The following CEP104 variants were observed in gnomAD, a reference collection of about 807,000 sequenced individuals.
CEP104 encodes centrosomal protein of 104 kDa.
In CEP104, 84 loss-of-function variants were observed where a neutral mutation model predicts 113.3. The ratio of observed to expected loss-of-function variants is 0.74; its 90% CI spans 0.62 to 0.89. CEP104 has a LOEUF of 0.89. Among genes scored for constraint, CEP104 ranks in the 40% least tolerant of loss-of-function variants. The probability of loss-of-function intolerance (pLI) is 0.00; values close to 1 mark genes in which losing one functional copy is unlikely to be tolerated. For missense variants in CEP104, 1,053 were observed against 1,156.6 expected, an observed-to-expected ratio of 0.91 and a Z score of 1.30; for synonymous variants, 378 against 421.7, an observed-to-expected ratio of 0.90 and a Z score of 1.27.
In CEP104 at chr1:3,834,925, G is replaced by A. The variant is rs371540690; in HGVS notation, c.1485C>T (p.Ser495=). 103 of 1,581,680 alleles carry A rather than the reference G, an allele frequency of 6.5e-5. 1 individual carries two copies. In the South Asian group the frequency reaches 7.6e-4, roughly 12 times the overall value. The stretch of plus-strand genomic sequence containing the variant: ...GCCAGCGCCAGCTGAGGGCACTCAC[G>A]GAGGTCACAATGTCCTTTATGGCTC... ...VRRAIKDIVT[S]VFQASLKLLK... Residue 495 remains serine, a splice_region_variant and synonymous_variant, in exon 11 of 22, where the codon TCC becomes TCT. Coordinates refer to ENST00000378230, the MANE Select transcript of CEP104 (RefSeq NM_014704.4).
chr1:3,836,344 T>C, intron 10 of CEP104, 151 bp downstream of exon 10: 1 of 813,068 alleles, frequency 1.2e-6, no homozygotes, highest in South Asian at 2.0e-5. Flanking sequence ...GACTTTCCAA[T>C]TCAGGAAGAA....
In CEP104 at chr1:3,833,208, T is replaced by C. The variant is rs369634418; in HGVS notation, c.1659+654A>G. Among the ~76,000 whole-genome samples, 17 of 152,090 alleles carry C rather than the reference T, an allele frequency of 1.1e-4. No individual in the cohort carries two copies. In the East Asian group the frequency reaches 2.5e-3, roughly 23 times the overall value. On this transcript the variant is annotated intron_variant, in intron 12 of 21. Transcript: ENST00000378230. ...GTTGGCTAGGATAGTCTCGATCTCCTAACCTTGTGATCCACCTGCCTGAGC... is the reference window on the plus strand; with the variant it reads ...GTTGGCTAGGATAGTCTCGATCTCCCAACCTTGTGATCCACCTGCCTGAGC...
rs200260349 is a variant in CEP104 at position 3,812,899 on chromosome 1, GTAAC to G, written c.*2499_*2502del. 3,284 of 152,050 alleles carry G rather than the reference GTAAC, an allele frequency of 0.022. 56 individuals are homozygous for G. The highest frequency in any genetic ancestry group is 0.051 in the Middle Eastern group (15 of 294). 9.4% of individuals were successfully genotyped at this position (152,050 alleles called of 1,614,324 possible). ...CAAAAAAACAACAAAAAAACCCCCT[GTAAC>G]TAACAAAAGAGGAACCTGTTTTAAA... On this transcript the variant is annotated 3_prime_UTR_variant, in exon 22 of 22. Coordinates refer to ENST00000378230, the MANE Select transcript of CEP104 (RefSeq NM_014704.4).
Position 3,848,614 on chromosome 1 carries a change from C to G in CEP104, c.281G>C (p.Arg94Thr). The part of the protein sequence containing the change: ...FAPYQAERFR[R>T]LGYVSLCDNE... ...TTTTAAATTTCATTCTTACCCAAGT[C>G]TTCGAAACCGCTCTGCTTGATAGGG... is the stretch of plus-strand genomic sequence containing the variant. The change falls in exon 3 of 22, where the codon AGA becomes ACA. Residue 94 changes from arginine to threonine, a missense_variant. Transcript: ENST00000378230. 1 of 1,608,944 alleles carries G rather than the reference C, an allele frequency of 6.2e-7. No homozygotes were observed. The highest frequency in any genetic ancestry group is 2.2e-5 in the East Asian group (1 of 44,780).
At chr1:3,844,524 C>T (rs1644470846) in intron 6 of CEP104, among the ~76,000 whole-genome samples, 1 of 151,780 alleles carries the variant, frequency 6.6e-6, no homozygotes, top group South Asian at 2.1e-4. Context: ...TGATGAAACC[C>T]CATCTCTGCT....
chr1:3,820,001 G>T (rs1000530193), intron 20 of CEP104, among the ~76,000 whole-genome samples: 2 of 152,158 alleles, frequency 1.3e-5, no homozygotes, highest in African/African-American at 2.4e-5. Context: ...AGGGCTGACA[G>T]ATGAGAATGA....
intron 18 of CEP104, among the ~76,000 whole-genome samples, chr1:3,824,821 G>A (rs117989865): frequency 5.3e-4 from 69 of 129,912 alleles, no homozygotes; most frequent in African/African-American, 2.0e-3. Flanking sequence ...GCAGTGGCAC[G>A]GTGGGAAGGG....
intron 21 of CEP104, chr1:3,816,051 G>A: frequency 4.2e-6 from 2 of 481,018 alleles, no homozygotes; most frequent in South Asian, 6.4e-5. Flanking sequence ...GCCACCCGTG[G>A]AGCCTTCGCA....
At chr1:3,833,553 A>G (rs1420421973) in intron 12 of CEP104, 4 of 265,260 alleles carry the variant, frequency 1.5e-5, no homozygotes, top group Non-Finnish European at 2.9e-5. Flanking sequence ...AGACAGTTAT[A>G]TTTTTTATTT....
intron 10 of CEP104, 26 bp downstream of exon 10, chr1:3,836,467 CGT>C: frequency 1.7e-6 from 2 of 1,187,200 alleles, no homozygotes; most frequent in Non-Finnish European, 2.4e-6. Flanking sequence ...TCTGCCACCC[CGT>C]TTTTTTTTTT....
At position 3,815,262 on chromosome 1, in the gene CEP104, C is replaced by T. The variant is rs929850398; in HGVS notation, c.*140G>A. 3.2e-5 allele frequency: 21 copies of T among 646,576 alleles called. No homozygotes were observed. Among genetic ancestry groups the T allele is most frequent in the Non-Finnish European group, 5.2e-5 (19 of 365,256 alleles). The allele number at this position is 646,576 out of a possible 1,614,324, so 40.1% of individuals were successfully genotyped here. A position where few individuals can be genotyped will look rare whatever the true frequency, so the allele number is the denominator to read the frequency against. On this transcript the variant is annotated 3_prime_UTR_variant, in exon 22 of 22. Coordinates refer to ENST00000378230, the MANE Select transcript of CEP104 (RefSeq NM_014704.4). Reference sequence around the variant, plus strand: ...TGCACGAGAGCTGACGGCACAGACGCGTAAGAGGCGTGCACGGCGGGGAGC... The same window carrying T: ...TGCACGAGAGCTGACGGCACAGACGTGTAAGAGGCGTGCACGGCGGGGAGC...
intron 21 of CEP104, 115 bp from the exon 22 acceptor site, chr1:3,815,632 G>A (rs1643869150): frequency 4.5e-6 from 3 of 670,994 alleles, no homozygotes; most frequent in East Asian, 2.8e-5. Flanking sequence ...GCTGATGGCC[G>A]TCACCCGACT....
At position 3,816,270 on chromosome 1, in the gene CEP104, T is replaced by A. The variant is rs552644535; in HGVS notation, c.2662+10A>T. On this transcript the variant is annotated intron_variant, in intron 21 of 21. Coordinates refer to ENST00000378230, the MANE Select transcript of CEP104 (RefSeq NM_014704.4). ...GCAGACTACACCTGCTCAGCGGCGC[T>A]GTCCCTCACCTGGCTGCAGTGCCGG... The A allele has an allele frequency of 3.7e-5, 57 of 1,550,036 alleles. No individual in the cohort carries two copies. In the Admixed American group the frequency reaches 1.1e-3, roughly 30 times the overall value.
At chr1:3,833,733 G>T in intron 12 of CEP104, 129 bp downstream of exon 12, 2 of 837,174 alleles carry the variant, frequency 2.4e-6, no homozygotes, top group Non-Finnish European at 3.7e-6. Flanking sequence ...AGGAAAGTGT[G>T]ATGGTGAATC....
At chr1:3,839,540 G>T in intron 7 of CEP104, 68 bp downstream of exon 7, 1 of 1,385,064 alleles carries the variant, frequency 7.2e-7, no homozygotes, top group Non-Finnish European at 9.9e-7. Flanking sequence ...TTACCATGTA[G>T]TTATTCTAAG....
rs1448310397 is a variant in CEP104 at position 3,843,351 on chromosome 1, C to T, written c.566+1556G>A. ...AAAAAAAAAAAAAAAGAGGAAGCGG[C>T]AACAGCAGCAGAAAAATATGTATAA... On this transcript the variant is annotated intron_variant, in intron 6 of 21. Transcript: ENST00000378230. 6 of 512,796 alleles carry T rather than the reference C, an allele frequency of 1.2e-5. No homozygotes were observed. The East Asian group carries it at 1.3e-4, about 11-fold the overall frequency. The allele number at this position is 512,796 out of a possible 1,614,324, so 31.8% of individuals were successfully genotyped here.
At chr1:3,830,713 T>C (rs1644187470) in intron 13 of CEP104, among the ~76,000 whole-genome samples, 1 of 149,710 alleles carries the variant, frequency 6.7e-6, no homozygotes, top group African/African-American at 2.5e-5. Context: ...GAGGCAGGGC[T>C]TGCAGTGAGC....
intron 1 of CEP104, chr1:3,856,046 A>C (rs891706451): frequency 4.6e-6 from 3 of 652,392 alleles, no homozygotes; most frequent in Non-Finnish European, 5.7e-6. Flanking sequence ...ACGGAAACTC[A>C]GTGTAGCAAC....
chr1:3,837,637 C>T, intron 8 of CEP104, 118 bp from the exon 9 acceptor site: 1 of 865,748 alleles, frequency 1.2e-6, no homozygotes, highest in Non-Finnish European at 1.8e-6. Flanking sequence ...CTCCTTGGCA[C>T]AATGAAAAAT....
Sources: gnomAD v4.1 joint callset for allele counts (sites outside exome capture counted in the v4.1 genomes callset) on GRCh38, gnomAD v4.1.1 for gene constraint, MANE v1.5 for transcripts, NCBI Gene and HGNC (gene_info 2026-07-23, HGNC 2026-07-21) for gene names.